The following HMGCLL1 variants were observed in gnomAD, a reference collection of about 807,000 sequenced individuals.
The protein encoded by HMGCLL1 is 3-hydroxy-3-methylglutaryl-CoA lyase like 1.
A neutral mutation model predicts 39.1 loss-of-function variants in HMGCLL1; 36 were observed. The ratio of observed to expected loss-of-function variants is 0.92; its 90% CI spans 0.71 to 1.22. The LOEUF (loss-of-function observed/expected upper bound fraction) is 1.22, where lower values mean the gene tolerates loss of function less well. HMGCLL1 is among the 50% of genes most tolerant of loss of function. HMGCLL1 has a pLI of 0.00. For missense variants in HMGCLL1, 451 were observed against 416.5 expected (o/e 1.08, Z -0.72); for synonymous variants, 149 against 144.0 (o/e 1.03, Z -0.25).
the HMGCLL1 span, among the ~76,000 whole-genome samples, chr6:55,660,824 T>C: frequency 6.6e-6 from 1 of 151,962 alleles, no homozygotes; most frequent in African/African-American, 2.4e-5. Context: ...TTGAACTAAT[T>C]TACACTACCG....
the HMGCLL1 span, among the ~76,000 whole-genome samples, chr6:55,624,889 A>G: frequency 6.6e-6 from 1 of 152,122 alleles, no homozygotes; most frequent in Non-Finnish European, 1.5e-5. Context: ...GTGTTTTTCC[A>G]GCCCATTTAT....
the HMGCLL1 span, among the ~76,000 whole-genome samples, chr6:55,671,081 A>G: frequency 6.6e-6 from 1 of 151,872 alleles, no homozygotes; most frequent in Non-Finnish European, 1.5e-5. Flanking sequence ...TTAAATGTGT[A>G]TTCACTTCTA....
chr6:55,471,413 C>A (rs1765040228), intron 7 of HMGCLL1, among the ~76,000 whole-genome samples: 2 of 151,688 alleles, frequency 1.3e-5, no homozygotes, highest in African/African-American at 4.8e-5. Context: ...AAGAGATTTA[C>A]CAGGTATATA....
chr6:55,610,019 C>T, the HMGCLL1 span, among the ~76,000 whole-genome samples: 3 of 152,188 alleles, frequency 2.0e-5, no homozygotes, highest in Non-Finnish European at 4.4e-5. Flanking sequence ...ACAAAAGGCT[C>T]ATCCAAGGAT....
intron 7 of HMGCLL1, among the ~76,000 whole-genome samples, chr6:55,463,078 T>C (rs960276206): frequency 2.0e-5 from 3 of 150,412 alleles, no homozygotes; most frequent in Non-Finnish European, 4.4e-5. Flanking sequence ...TTGCCCAGGC[T>C]GGAGTGCAGT....
chr6:55,581,639 A>C (rs1242210583), upstream of HMGCLL1, among the ~76,000 whole-genome samples: 3 of 152,066 alleles, frequency 2.0e-5, no homozygotes, highest in African/African-American at 4.8e-5. Context: ...TGAGAATAAA[A>C]AGAAGTTTGT....
the HMGCLL1 span, among the ~76,000 whole-genome samples, chr6:55,584,882 G>A: frequency 1.3e-5 from 2 of 151,902 alleles, no homozygotes; most frequent in African/African-American, 4.8e-5. Context: ...CATTACAAGA[G>A]TGATGTGGTA....
chr6:55,616,563 C>T, the HMGCLL1 span, among the ~76,000 whole-genome samples: 1,036 of 152,140 alleles, frequency 6.8e-3, 11 homozygotes, highest in African/African-American at 0.023. Context: ...AGTTGTGATA[C>T]GGCAACAATG....
At chr6:55,641,225 G>A in the HMGCLL1 span, among the ~76,000 whole-genome samples, 1 of 151,352 alleles carries the variant, frequency 6.6e-6, no homozygotes, top group Non-Finnish European at 1.5e-5. Context: ...GAGAGGGGAA[G>A]CAAATAATAA....
At chr6:55,616,601 T>C in the HMGCLL1 span, among the ~76,000 whole-genome samples, 1 of 152,136 alleles carries the variant, frequency 6.6e-6, no homozygotes, top group Admixed American at 6.6e-5. Flanking sequence ...ACCAATCTAC[T>C]GTAATGCCTA....
the HMGCLL1 span, among the ~76,000 whole-genome samples, chr6:55,627,045 A>G: frequency 4.3e-5 from 3 of 69,330 alleles, no homozygotes; most frequent in East Asian, 1.3e-3. Flanking sequence ...GGGTCACTCC[A>G]CCAGAAAAAA....
At chr6:55,678,571 C>T in the HMGCLL1 span, among the ~76,000 whole-genome samples, 818 of 152,106 alleles carry the variant, frequency 5.4e-3, 8 homozygotes, top group African/African-American at 0.018. Flanking sequence ...GAGGAACCAT[C>T]GAGAGAAGGG....
chr6:55,509,704 AT>A (rs1156604691), intron 5 of HMGCLL1, among the ~76,000 whole-genome samples: 1 of 151,922 alleles, frequency 6.6e-6, no homozygotes, highest in Admixed American at 6.6e-5. Context: ...GTTAAAAAAA[AT>A]AATTAAACAC....
At chr6:55,526,053 A>G (rs983612627) in intron 3 of HMGCLL1, among the ~76,000 whole-genome samples, 1 of 151,804 alleles carries the variant, frequency 6.6e-6, no homozygotes, top group African/African-American at 2.4e-5. Flanking sequence ...GGTTATCCTT[A>G]CCCCCAGCTG....
the HMGCLL1 span, among the ~76,000 whole-genome samples, chr6:55,623,734 A>G: frequency 4.6e-5 from 7 of 151,094 alleles, no homozygotes; most frequent in African/African-American, 1.7e-4. Context: ...TATGCATATG[A>G]TATATATGTG....
At chr6:55,457,819 A>G (rs1425841078) in intron 7 of HMGCLL1, among the ~76,000 whole-genome samples, 2 of 152,142 alleles carry the variant, frequency 1.3e-5, no homozygotes, top group African/African-American at 4.8e-5. Context: ...AGTGATTTTT[A>G]TTAACCCACC....
At chr6:55,465,293 T>C (rs1034372085) in intron 7 of HMGCLL1, among the ~76,000 whole-genome samples, 2 of 152,074 alleles carry the variant, frequency 1.3e-5, no homozygotes, top group African/African-American at 2.4e-5. Context: ...TTAATACGTA[T>C]GTCCATTAAT....
the HMGCLL1 span, among the ~76,000 whole-genome samples, chr6:55,590,743 A>T: frequency 6.6e-6 from 1 of 152,016 alleles, no homozygotes. Context: ...ATATAAGCAC[A>T]TAAATTTTAA....
the HMGCLL1 span, among the ~76,000 whole-genome samples, chr6:55,622,715 A>G: frequency 6.6e-6 from 1 of 151,818 alleles, no homozygotes; most frequent in Admixed American, 6.6e-5. Flanking sequence ...TTGAACTGTA[A>G]TTTTCTTTTT....
Sources: gnomAD v4.1 joint callset for allele counts (sites outside exome capture counted in the v4.1 genomes callset) on GRCh38, gnomAD v4.1.1 for gene constraint, MANE v1.5 for transcripts, NCBI Gene and HGNC (gene_info 2026-07-23, HGNC 2026-07-21) for gene names.